Variants in TSHZ2 observed in about 807,000 individuals in gnomAD.
TSHZ2 encodes teashirt zinc finger homeobox 2.
Under a neutral mutation model 74.4 loss-of-function variants are expected in TSHZ2, and 21 were observed. The observed-to-expected ratio is 0.28, with a 90% confidence interval of 0.20 to 0.41. The LOEUF (loss-of-function observed/expected upper bound fraction) is 0.41. TSHZ2 is among the 10% of genes least tolerant of loss of function. The probability of loss-of-function intolerance (pLI) is 1.00; values close to 1 mark genes in which losing one functional copy is unlikely to be tolerated. For synonymous variants in TSHZ2, 540 were observed against 515.3 expected, an observed-to-expected ratio of 1.05 and a Z score of -0.65; for missense variants, 1,244 against 1,293.5, an observed-to-expected ratio of 0.96 and a Z score of 0.59.
chr20:53,312,171 G>A (rs770989736), intron 2 of TSHZ2, among the ~76,000 whole-genome samples: 3 of 152,184 alleles, frequency 2.0e-5, no homozygotes, highest in Non-Finnish European at 1.5e-5. Flanking sequence ...AGATGCGGCG[G>A]AGTGCAATAA....
At chr20:53,469,117 G>T (rs6013696) in intron 2 of TSHZ2, among the ~76,000 whole-genome samples, 10,557 of 130,336 alleles carry the variant, frequency 0.081, 459 homozygotes, top group Middle Eastern at 0.12. Context: ...AGAATATTCG[G>T]TTTCACTTAT....
intron 1 of TSHZ2, among the ~76,000 whole-genome samples, chr20:53,030,764 A>T (rs1006449675): frequency 6.6e-6 from 1 of 152,244 alleles, no homozygotes; most frequent in East Asian, 1.9e-4. Context: ...TTTGGACTAC[A>T]GCCTTTCAAA....
At chr20:53,242,635 C>G (rs1219319364) in intron 1 of TSHZ2, among the ~76,000 whole-genome samples, 1 of 137,728 alleles carries the variant, frequency 7.3e-6, no homozygotes, top group Admixed American at 7.1e-5. Flanking sequence ...AGTAACCCAC[C>G]CTGTGAGTTT....
At chr20:53,132,584 C>T in intron 1 of TSHZ2, among the ~76,000 whole-genome samples, 1 of 152,066 alleles carries the variant, frequency 6.6e-6, no homozygotes, top group East Asian at 1.9e-4. Flanking sequence ...CCAACCCTGC[C>T]CATAATTTTT....
At chr20:53,103,336 C>T (rs964371082) in intron 1 of TSHZ2, among the ~76,000 whole-genome samples, 2 of 152,092 alleles carry the variant, frequency 1.3e-5, no homozygotes, top group African/African-American at 4.8e-5. Context: ...AGCAAAGTCC[C>T]CAGGGGTTTC....
intron 1 of TSHZ2, among the ~76,000 whole-genome samples, chr20:53,013,285 T>C (rs1191955740): frequency 2.6e-5 from 4 of 152,200 alleles, no homozygotes; most frequent in African/African-American, 9.6e-5. Flanking sequence ...TACTTGTTAA[T>C]GGAAGGTGGC....
At chr20:53,335,382 A>G (rs1249080893) in intron 2 of TSHZ2, among the ~76,000 whole-genome samples, 4 of 152,208 alleles carry the variant, frequency 2.6e-5, no homozygotes, top group Admixed American at 6.5e-5. Flanking sequence ...GGGAAAGGCT[A>G]AATAGACTGG....
At chr20:53,000,206 T>A (rs1230522512) in intron 1 of TSHZ2, among the ~76,000 whole-genome samples, 1 of 152,230 alleles carries the variant, frequency 6.6e-6, no homozygotes, top group Non-Finnish European at 1.5e-5. Flanking sequence ...TGGGTTAGAA[T>A]GGTTTTTACA....
At chr20:53,032,468 A>G (rs899870112) in intron 1 of TSHZ2, among the ~76,000 whole-genome samples, 2 of 152,288 alleles carry the variant, frequency 1.3e-5, no homozygotes, top group African/African-American at 4.8e-5. Context: ...TAAACTCTTG[A>G]TTGATGCCAA....
At chr20:53,005,303 C>G (rs577800252) in intron 1 of TSHZ2, among the ~76,000 whole-genome samples, 11 of 151,974 alleles carry the variant, frequency 7.2e-5, no homozygotes, top group Non-Finnish European at 1.3e-4. Context: ...CAGAGAGAGA[C>G]TCTGTCTCAA....
intron 1 of TSHZ2, among the ~76,000 whole-genome samples, chr20:53,238,683 C>T (rs1989994330): frequency 6.6e-6 from 1 of 151,926 alleles, no homozygotes; most frequent in Admixed American, 6.6e-5. Context: ...TGCTGGAAAA[C>T]AGTCCAGATG....
intron 1 of TSHZ2, among the ~76,000 whole-genome samples, chr20:53,065,118 GC>G (rs1984939314): frequency 6.6e-6 from 1 of 152,154 alleles, no homozygotes; most frequent in Admixed American, 6.5e-5. Flanking sequence ...CGCCTCATTC[GC>G]CTCGTCTGCA....
intron 2 of TSHZ2, among the ~76,000 whole-genome samples, chr20:53,356,657 A>G (rs898222506): frequency 6.6e-6 from 1 of 152,148 alleles, no homozygotes; most frequent in African/African-American, 2.4e-5. Flanking sequence ...TAGAATTAAC[A>G]TCCTATGTCT....
chr20:53,169,672 G>A (rs565036947), intron 1 of TSHZ2, among the ~76,000 whole-genome samples: 2 of 152,260 alleles, frequency 1.3e-5, no homozygotes, highest in East Asian at 3.9e-4. Flanking sequence ...AGAAGAATTA[G>A]ATGTCATTCC....
intron 1 of TSHZ2, among the ~76,000 whole-genome samples, chr20:53,147,581 T>G (rs572287431): frequency 1.3e-5 from 2 of 152,348 alleles, no homozygotes; most frequent in East Asian, 3.8e-4. Context: ...TTTTTGATTG[T>G]TGGTTGCCAT....
At chr20:53,227,274 G>A (rs751640023) in intron 1 of TSHZ2, among the ~76,000 whole-genome samples, 13 of 151,750 alleles carry the variant, frequency 8.6e-5, no homozygotes, top group East Asian at 3.9e-4. Flanking sequence ...TGGGTCTCCC[G>A]TGCAGCCTCT....
At chr20:53,126,156 A>T (rs913443058) in intron 1 of TSHZ2, among the ~76,000 whole-genome samples, 2 of 152,232 alleles carry the variant, frequency 1.3e-5, no homozygotes, top group Non-Finnish European at 2.9e-5. Context: ...CCTGAACAAC[A>T]CTAGTGCTCA....
intron 2 of TSHZ2, among the ~76,000 whole-genome samples, chr20:53,342,955 C>CTTTTTT (rs1175907478): frequency 0.032 from 1,951 of 61,386 alleles, 211 homozygotes; most frequent in Non-Finnish European, 0.037. Context: ...CTTTTCTTTT[C>CTTTTTT]TTTTTTTTTT....
At chr20:53,224,141 T>C (rs2426467) in intron 1 of TSHZ2, among the ~76,000 whole-genome samples, 107,145 of 152,142 alleles carry the variant, frequency 0.7, 39,197 homozygotes, top group African/African-American at 0.91. Flanking sequence ...AAAATACATA[T>C]GAAAGGTACA....
Sources: allele counts gnomAD v4.1 joint callset (sites outside exome capture counted in the v4.1 genomes callset), GRCh38; gene constraint gnomAD v4.1.1; transcripts MANE v1.5; gene names NCBI Gene and HGNC (gene_info 2026-07-23, HGNC 2026-07-21).